Variants in ZMIZ1 observed in about 807,000 individuals in gnomAD.
ZMIZ1 encodes the protein zinc finger MIZ-type containing 1.
In ZMIZ1, 17 loss-of-function variants were observed where a neutral mutation model predicts 113.9. The ratio of observed to expected loss-of-function variants is 0.15; its 90% CI spans 0.10 to 0.22. The LOEUF (loss-of-function observed/expected upper bound fraction) is 0.22. ZMIZ1 is among the 10% of genes least tolerant of loss of function. The pLI, the probability that ZMIZ1 is intolerant of heterozygous loss-of-function variation, is 1.00. For synonymous variants in ZMIZ1, 607 were observed against 603.1 expected, an observed-to-expected ratio of 1.01 and a Z score of -0.09; for missense variants, 1,059 against 1,477.8, an observed-to-expected ratio of 0.72 and a Z score of 4.65.
chr10:79,283,575 C>G (rs1343747576), intron 8 of ZMIZ1, among the ~76,000 whole-genome samples: 1 of 152,142 alleles, frequency 6.6e-6, no homozygotes, highest in Non-Finnish European at 1.5e-5. Flanking sequence ...ATTTTTAGCT[C>G]GGTTTTGCAT....
intron 6 of ZMIZ1, among the ~76,000 whole-genome samples, chr10:79,210,972 C>T (rs1246943337): frequency 1.3e-5 from 2 of 152,178 alleles, no homozygotes; most frequent in Non-Finnish European, 2.9e-5. Flanking sequence ...TCTCCTGGGC[C>T]TCTGTTCCCT....
chr10:79,176,655 C>A (rs1332613045), intron 4 of ZMIZ1, among the ~76,000 whole-genome samples: 1 of 150,088 alleles, frequency 6.7e-6, no homozygotes, highest in Non-Finnish European at 1.5e-5. Flanking sequence ...CTGGCAAGGA[C>A]CTGCTTGATA....
Position 79,293,491 on chromosome 10 carries a change from G to T in ZMIZ1, c.1068G>T (p.Thr356=). 6.3e-7 allele frequency: 1 copy of T among 1,583,890 alleles called. No individual in the cohort carries two copies. The highest frequency in any genetic ancestry group is 8.6e-7 in the Non-Finnish European group (1 of 1,161,874). The change falls in exon 12 of 25, where the codon ACG becomes ACT. Residue 356 remains threonine (T), a synonymous_variant. Transcript: ENST00000334512. ...CCGCGAGCATGGCGGCTGGCATGAC[G>T]CCCTCGGGGATGAGCGGCCCTCCCA... ...MNPASMAAGM[T]PSGMSGPPMG... is the part of the protein sequence containing the mutation.
chr10:79,132,812 C>T (rs1844829566), intron 2 of ZMIZ1, among the ~76,000 whole-genome samples: 1 of 152,072 alleles, frequency 6.6e-6, no homozygotes, highest in South Asian at 2.1e-4. Context: ...GAAGATGGGC[C>T]CCTCACCCCT....
intron 4 of ZMIZ1, among the ~76,000 whole-genome samples, chr10:79,187,769 G>A (rs759172116): frequency 3.3e-4 from 51 of 152,308 alleles, no homozygotes; most frequent in African/African-American, 2.9e-4. Flanking sequence ...GAGCACAGGC[G>A]GTGCAGAGCT....
chr10:79,139,164 G>A lies in ZMIZ1; in HGVS notation c.-226-518G>A, dbSNP rs181249347. 7.9e-4 allele frequency among the ~76,000 whole-genome samples: 121 copies of A among 152,306 alleles called. 1 individual carries two copies. Among genetic ancestry groups the A allele is most frequent in the African/African-American group, 2.7e-3 (112 of 41,570 alleles). ...CACACATAAAATGGCTCCGAGTGTTGGTCAGGGATCTGGTGAGCAATTCAT... is the reference window on the plus strand; with the variant it reads ...CACACATAAAATGGCTCCGAGTGTTAGTCAGGGATCTGGTGAGCAATTCAT... On this transcript the variant is annotated intron_variant, in intron 2 of 24. Coordinates refer to ENST00000334512, the MANE Select transcript of ZMIZ1 (RefSeq NM_020338.4).
intron 2 of ZMIZ1, among the ~76,000 whole-genome samples, chr10:79,127,159 C>T (rs1200964980): frequency 6.6e-6 from 1 of 152,194 alleles, no homozygotes; most frequent in Non-Finnish European, 1.5e-5. Context: ...CTGCAGCTGA[C>T]TGATACCCTG....
At chr10:79,098,519 A>G (rs1052884877) in intron 1 of ZMIZ1, among the ~76,000 whole-genome samples, 1 of 152,220 alleles carries the variant, frequency 6.6e-6, no homozygotes, top group Admixed American at 6.5e-5. Flanking sequence ...AAATGAATTA[A>G]TACTTGTATG....
chr10:79,174,396 G>C (rs993976399), intron 4 of ZMIZ1, among the ~76,000 whole-genome samples: 6 of 152,254 alleles, frequency 3.9e-5, no homozygotes, highest in African/African-American at 1.4e-4. Flanking sequence ...GGATGAGTAG[G>C]AGAAGTGGCA....
Position 79,296,418 on chromosome 10 carries a change from G to A in ZMIZ1, c.1231-53G>A. 1 of 1,598,686 alleles carries A rather than the reference G, an allele frequency of 6.3e-7. No individual in the cohort carries two copies. Among genetic ancestry groups the A allele is most frequent in the Non-Finnish European group, 8.6e-7 (1 of 1,168,508 alleles). On this transcript the variant is annotated intron_variant, in intron 12 of 24. Transcript: ENST00000334512. The surrounding 1 kb of genome is among the most constrained non-coding windows in gnomAD (Gnocchi z 4.1). ...CCCGTTGTTCAGGTGACCTGGCTATGTGACGTTGGCAACATTGAACGTGTT... is the reference window on the plus strand; with the variant it reads ...CCCGTTGTTCAGGTGACCTGGCTATATGACGTTGGCAACATTGAACGTGTT...
At chr10:79,141,463 G>A (rs1845263413) in intron 3 of ZMIZ1, among the ~76,000 whole-genome samples, 1 of 151,028 alleles carries the variant, frequency 6.6e-6, no homozygotes, top group African/African-American at 2.4e-5. Flanking sequence ...TTTTTTTTGA[G>A]ACAGGGTCTC....
chr10:79,193,171 T>A (rs1399078489), intron 4 of ZMIZ1, among the ~76,000 whole-genome samples: 1 of 152,244 alleles, frequency 6.6e-6, no homozygotes, highest in African/African-American at 2.4e-5. Context: ...GTCATCAGTC[T>A]ACATCAGTGC....
At chr10:79,251,905 C>G (rs1191856613) in intron 7 of ZMIZ1, among the ~76,000 whole-genome samples, 6 of 152,230 alleles carry the variant, frequency 3.9e-5, no homozygotes, top group African/African-American at 1.2e-4. Context: ...CCCCACCTTA[C>G]TAGAACCATG....
intron 7 of ZMIZ1, among the ~76,000 whole-genome samples, chr10:79,275,280 A>C (rs1360577425): frequency 6.6e-6 from 1 of 152,188 alleles, no homozygotes; most frequent in Non-Finnish European, 1.5e-5. Flanking sequence ...CTCTTCTCTC[A>C]TACTGTCCTC....
At chr10:79,084,614 G>C (rs886401389) in intron 1 of ZMIZ1, among the ~76,000 whole-genome samples, 5 of 152,182 alleles carry the variant, frequency 3.3e-5, no homozygotes, top group African/African-American at 9.7e-5. Flanking sequence ...CAGGTGTTGG[G>C]ACTGCTTGAC....
intron 4 of ZMIZ1, 54 bp downstream of exon 4, chr10:79,162,187 C>G (rs1846138395): frequency 2.5e-6 from 1 of 398,886 alleles, no homozygotes; most frequent in South Asian, 1.3e-4. Context: ...CAGGTGAGTC[C>G]TCATGAGGGC....
chr10:79,306,185 C>G lies in ZMIZ1; in HGVS notation c.2509C>G (p.Pro837Ala). 6.2e-7 allele frequency: 1 copy of G among 1,614,150 alleles called. No individual in the cohort carries two copies. Among genetic ancestry groups the G allele is most frequent in the Non-Finnish European group, 8.5e-7 (1 of 1,180,020 alleles). Reference sequence around the variant, plus strand: ...GTCGGACTTACACATCAAGGACGACCCTGATGGCATCCCCTCCAAGCGGTT... The same window carrying G: ...GTCGGACTTACACATCAAGGACGACGCTGATGGCATCCCCTCCAAGCGGTT... ...IKSDLHIKDDPDGIPSKRFKT... is the reference protein window; with the variant it reads ...IKSDLHIKDDADGIPSKRFKT... The change falls in exon 22 of 25, where the codon CCT becomes GCT. Residue 837 changes from proline (P) to alanine (A), a missense_variant. By Grantham distance (27) the Pro-to-Ala change is conservative (BLOSUM62 -1). Transcript: ENST00000334512.
At chr10:79,207,986 C>T (rs1253622754) in intron 5 of ZMIZ1, among the ~76,000 whole-genome samples, 1 of 151,702 alleles carries the variant, frequency 6.6e-6, no homozygotes, top group East Asian at 1.9e-4. Flanking sequence ...TAGTCACCAG[C>T]CTTCTCTAGA....
At position 79,069,926 on chromosome 10, in the gene ZMIZ1, C is replaced by T. The variant is rs867626163; in HGVS notation, c.-337+656C>T. On this transcript the variant is annotated intron_variant, in intron 1 of 24. Coordinates refer to ENST00000334512, the MANE Select transcript of ZMIZ1 (RefSeq NM_020338.4). This position sits in a 1 kb window ranked among gnomAD's most constrained non-coding sequence, Gnocchi z 4.6. ...TGTGCAGGGTTTTCTCCCAGGGCTT[C>T]GCAAGCCAGAGGGGCGCTCAGGCCA... Among the ~76,000 whole-genome samples the T allele has an allele frequency of 2.6e-5, 4 of 151,764 alleles. No homozygotes were observed. The highest frequency in any genetic ancestry group is 5.9e-5 in the Non-Finnish European group (4 of 67,912).
Sources: allele counts gnomAD v4.1 joint callset (sites outside exome capture counted in the v4.1 genomes callset), GRCh38; gene constraint gnomAD v4.1.1; non-coding constraint Gnocchi (gnomAD v3.1); transcripts MANE v1.5; gene names NCBI Gene and HGNC (gene_info 2026-07-23, HGNC 2026-07-21).